MCPH1: variants seen among roughly 807,000 people sequenced by gnomAD.
MCPH1 encodes the protein microcephalin.
In MCPH1, 104 loss-of-function variants were observed where a neutral mutation model predicts 84.5. The observed-to-expected ratio is 1.23, with a 90% CI of 1.05 to 1.45. The LOEUF (loss-of-function observed/expected upper bound fraction) is 1.45, where lower values mean the gene tolerates loss of function less well. MCPH1 is among the 40% of genes most tolerant of loss of function. The probability of loss-of-function intolerance (pLI) is 0.00; values close to 1 mark genes in which losing one functional copy is unlikely to be tolerated. For missense variants in MCPH1, 1,498 were observed against 1,005.7 expected, an observed-to-expected ratio of 1.49 and a Z score of -6.62; for synonymous variants, 514 against 366.8, an observed-to-expected ratio of 1.40 and a Z score of -4.58.
At position 6,477,871 on chromosome 8, in the gene MCPH1, T is replaced by C. The variant is rs961526605; in HGVS notation, c.1973+240T>C. 5.3e-5 allele frequency among the ~76,000 whole-genome samples: 8 copies of C among 152,232 alleles called. No homozygotes were observed. In the South Asian group the frequency reaches 1.7e-3, roughly 32 times the overall value. On this transcript the variant is annotated intron_variant, in intron 10 of 13. Transcript: ENST00000344683. ...AAGAGGTGTGTGCTCGTTTTGGTGT[T>C]CTTTTGCTTGCTTGATACCAAATAG...
At chr8:6,600,501 G>T (rs1409800888) in intron 12 of MCPH1, among the ~76,000 whole-genome samples, 5 of 152,228 alleles carry the variant, frequency 3.3e-5, no homozygotes, top group Admixed American at 3.3e-4. Flanking sequence ...CACCCTTGGC[G>T]GCACATCTCC....
intron 12 of MCPH1, among the ~76,000 whole-genome samples, chr8:6,545,237 A>G (rs1035348047): frequency 1.3e-5 from 2 of 152,198 alleles, no homozygotes; most frequent in African/African-American, 4.8e-5. Flanking sequence ...AGTGCTGAAA[A>G]TGTTTCCTAG....
chr8:6,468,416 C>A (rs899215097), intron 9 of MCPH1, among the ~76,000 whole-genome samples: 1 of 152,158 alleles, frequency 6.6e-6, no homozygotes, highest in Non-Finnish European at 1.5e-5. Context: ...CTGGCCAGCC[C>A]CTCTTCTTGG....
At chr8:6,526,641 C>T (rs995701978) in intron 12 of MCPH1, among the ~76,000 whole-genome samples, 10 of 152,132 alleles carry the variant, frequency 6.6e-5, no homozygotes, top group African/African-American at 2.4e-4. Context: ...ATTATTTCAG[C>T]TTAGTTCTTG....
At chr8:6,546,330 A>C (rs1822569873) in intron 12 of MCPH1, among the ~76,000 whole-genome samples, 1 of 152,206 alleles carries the variant, frequency 6.6e-6, no homozygotes, top group African/African-American at 2.4e-5. Flanking sequence ...TCACCGTTTC[A>C]ACAGTATCAG....
At chr8:6,413,624 T>C (rs1187013542) in intron 2 of MCPH1, among the ~76,000 whole-genome samples, 2 of 152,086 alleles carry the variant, frequency 1.3e-5, no homozygotes, top group African/African-American at 4.8e-5. Flanking sequence ...CAGTGAGCTT[T>C]ACTCAACTTC....
Position 6,547,372 on chromosome 8 carries a change from G to T in MCPH1, c.2214+47443G>T, listed in dbSNP as rs191642402. ...CCCCTCTCTTTAACCCTCTTGCCTT[G>T]CATATGTGTCTCTTGCAATGGAAGC... On this transcript the variant is annotated intron_variant, in intron 12 of 13. Coordinates refer to ENST00000344683, the MANE Select transcript of MCPH1 (RefSeq NM_024596.5). Among the ~76,000 whole-genome samples, 7 of 152,046 alleles carry T rather than the reference G, an allele frequency of 4.6e-5. 1 individual carries two copies. Among genetic ancestry groups the T allele is most frequent in the Admixed American group, 3.9e-4 (6 of 15,280 alleles).
intron 10 of MCPH1, among the ~76,000 whole-genome samples, chr8:6,478,243 C>T (rs1028648156): frequency 2.0e-5 from 3 of 152,108 alleles, no homozygotes; most frequent in African/African-American, 7.2e-5. Context: ...GCAGAGAGGG[C>T]ACCTTTAGAA....
intron 12 of MCPH1, chr8:6,520,087 T>G: frequency 1.4e-6 from 2 of 1,436,276 alleles, no homozygotes; most frequent in South Asian, 2.9e-5. Context: ...TTTTATTACT[T>G]TGGAATTCTT....
chr8:6,621,828 C>G, intron 13 of MCPH1, 137 bp downstream of exon 13: 2 of 1,169,872 alleles, frequency 1.7e-6, no homozygotes, highest in Non-Finnish European at 2.5e-6. Context: ...CAGCATCTGC[C>G]CTGGCAGCGT....
chr8:6,562,738 T>C (rs1373098703), intron 12 of MCPH1: 1 of 1,613,844 alleles, frequency 6.2e-7, no homozygotes, highest in Non-Finnish European at 8.5e-7. Context: ...CGCGTCCCTC[T>C]GCACAGCATT....
chr8:6,643,260 T>G lies in MCPH1; in HGVS notation c.*211T>G, dbSNP rs1798050372. 6.8e-6 allele frequency: 4 copies of G among 591,820 alleles called. No homozygotes were observed. In the East Asian group the frequency reaches 8.6e-5, roughly 13 times the overall value. 36.7% of individuals were successfully genotyped at this position (591,820 alleles called of 1,614,324 possible). A position where few individuals can be genotyped will look rare whatever the true frequency, so the allele number is the denominator to read the frequency against. On this transcript the variant is annotated 3_prime_UTR_variant, in exon 14 of 14. Transcript: ENST00000344683. ...TCAGAGACGCTTCGGGCCTTTTTAT[T>G]TTTATTTTATTTTTTATTTTTTGAG...
chr8:6,438,149 G>C (rs894896), intron 5 of MCPH1, among the ~76,000 whole-genome samples: 141,039 of 152,278 alleles, frequency 0.93, 65,918 homozygotes, highest in East Asian at 0.99. Flanking sequence ...GGCCTTCTTT[G>C]CTATGTCAGT....
intron 12 of MCPH1, among the ~76,000 whole-genome samples, chr8:6,557,255 G>A (rs1457525238): frequency 6.6e-6 from 1 of 152,064 alleles, no homozygotes; most frequent in Non-Finnish European, 1.5e-5. Context: ...ACTGCAGAGG[G>A]TACTGGTGTT....
intron 11 of MCPH1, among the ~76,000 whole-genome samples, chr8:6,483,425 C>G (rs886207144): frequency 6.6e-6 from 1 of 152,130 alleles, no homozygotes; most frequent in Non-Finnish European, 1.5e-5. Context: ...TTTGGGGCAT[C>G]CTTTCAAGCT....
chr8:6,515,881 G>C (rs935150133), intron 12 of MCPH1, among the ~76,000 whole-genome samples: 1 of 152,210 alleles, frequency 6.6e-6, no homozygotes, highest in Admixed American at 6.5e-5. Flanking sequence ...AGAGCGAAAA[G>C]AGAACCAAGA....
At chr8:6,620,286 G>A (rs921424137) in intron 12 of MCPH1, 3 of 152,084 alleles carry the variant, frequency 2.0e-5, no homozygotes, top group African/African-American at 7.2e-5. Context: ...TAAGTGTATC[G>A]GATCTACTCC....
intron 12 of MCPH1, among the ~76,000 whole-genome samples, chr8:6,579,311 A>G (rs1019902869): frequency 1.3e-5 from 2 of 152,150 alleles, no homozygotes; most frequent in African/African-American, 4.8e-5. Context: ...CTTCTCCTCC[A>G]TTTGACTAAT....
chr8:6,604,919 CAAG>C (rs1829643936), intron 12 of MCPH1, among the ~76,000 whole-genome samples: 1 of 152,282 alleles, frequency 6.6e-6, no homozygotes, highest in East Asian at 1.9e-4. Context: ...GGAGTAAGAG[CAAG>C]AAGATCAGAA....
Sources: gnomAD v4.1 joint callset for allele counts (sites outside exome capture counted in the v4.1 genomes callset) on GRCh38, gnomAD v4.1.1 for gene constraint, MANE v1.5 for transcripts, NCBI Gene and HGNC (gene_info 2026-07-23, HGNC 2026-07-21) for gene names.